Variants in HHAT observed in about 807,000 individuals in gnomAD.
HHAT encodes protein-cysteine N-palmitoyltransferase HHAT.
HHAT carries 47 observed loss-of-function variants against 70.8 expected under a neutral mutation model. That is an observed-to-expected ratio of 0.66 (90% CI 0.53 to 0.85). The LOEUF is 0.85. Ranked by LOEUF, HHAT falls within the 40% of genes least tolerant of loss-of-function variation. The pLI is 0.00. For synonymous variants in HHAT, 228 were observed against 247.6 expected, an observed-to-expected ratio of 0.92 and a Z score of 0.74; for missense variants, 609 against 604.8, an observed-to-expected ratio of 1.01 and a Z score of -0.07.
chr1:210,544,738 C>T (rs972908304), intron 9 of HHAT, among the ~76,000 whole-genome samples: 2 of 152,124 alleles, frequency 1.3e-5, no homozygotes, highest in Non-Finnish European at 2.9e-5. Flanking sequence ...GTTTGGTTCT[C>T]TTATAGGTGT....
chr1:210,535,183 A>G (rs1206052794), intron 9 of HHAT, among the ~76,000 whole-genome samples: 1 of 152,184 alleles, frequency 6.6e-6, no homozygotes, highest in African/African-American at 2.4e-5. Context: ...GCTCTGGGTT[A>G]TAGGACCTCC....
chr1:210,615,376 G>A (rs1667477544), intron 10 of HHAT, among the ~76,000 whole-genome samples: 1 of 152,178 alleles, frequency 6.6e-6, no homozygotes. Context: ...CTTTGCGATG[G>A]GTTCGAACTT....
At chr1:210,625,476 A>G (rs1269629150) in intron 11 of HHAT, among the ~76,000 whole-genome samples, 3 of 152,218 alleles carry the variant, frequency 2.0e-5, no homozygotes, top group Admixed American at 2.0e-4. Flanking sequence ...GTGAGTGCCA[A>G]ACACACAAAA....
At chr1:210,662,663 T>A (rs1368183801) in intron 11 of HHAT, among the ~76,000 whole-genome samples, 1 of 151,858 alleles carries the variant, frequency 6.6e-6, no homozygotes, top group Non-Finnish European at 1.5e-5. Flanking sequence ...AGAGAAAATA[T>A]TTGTTTTTTT....
At chr1:210,598,376 C>A (rs1663498091) in intron 10 of HHAT, among the ~76,000 whole-genome samples, 2 of 152,042 alleles carry the variant, frequency 1.3e-5, no homozygotes, top group Admixed American at 6.6e-5. Context: ...AATCAACTGG[C>A]TTGAAGTTGA....
chr1:210,437,924 G>A (rs911390668), intron 7 of HHAT, among the ~76,000 whole-genome samples: 1 of 151,864 alleles, frequency 6.6e-6, no homozygotes, highest in Non-Finnish European at 1.5e-5. Flanking sequence ...CACCCACTGT[G>A]AGGCTTTTTC....
In HHAT at chr1:210,329,130, T is replaced by G. The variant is rs773596977; in HGVS notation, c.-44+26T>G. The G allele has an allele frequency of 3.7e-5, 49 of 1,317,266 alleles. No individual in the cohort carries two copies. The Middle Eastern group carries it at 5.2e-3, about 140-fold the overall frequency. 81.6% of individuals were successfully genotyped at this position (1,317,266 alleles called of 1,614,324 possible). On this transcript the variant is annotated intron_variant, in intron 1 of 11. Coordinates refer to ENST00000261458, the MANE Select transcript of HHAT (RefSeq NM_018194.6). Reference sequence around the variant, plus strand: ...GTTGGTAACTGGTGACCATAGGGGGTCCTGGGGAGGTTAGATGCTGAATTT... The same window carrying G: ...GTTGGTAACTGGTGACCATAGGGGGGCCTGGGGAGGTTAGATGCTGAATTT...
intron 7 of HHAT, among the ~76,000 whole-genome samples, chr1:210,460,283 T>C (rs1572597960): frequency 6.6e-6 from 1 of 152,322 alleles, no homozygotes; most frequent in East Asian, 1.9e-4. Context: ...GGATGAAAGA[T>C]ACAGTTGCAG....
chr1:210,521,948 G>C (rs773690688), intron 9 of HHAT, among the ~76,000 whole-genome samples: 1 of 152,178 alleles, frequency 6.6e-6, no homozygotes, highest in Non-Finnish European at 1.5e-5. Flanking sequence ...ACACATGCAT[G>C]TTCTCTGTCC....
chr1:210,343,476 C>T (rs557034479), intron 1 of HHAT, among the ~76,000 whole-genome samples: 34 of 152,188 alleles, frequency 2.2e-4, no homozygotes, highest in Non-Finnish European at 4.1e-4. Context: ...CAGCTACAGG[C>T]AAGAGTTGAA....
chr1:210,330,701 C>T (rs1180564706), intron 1 of HHAT, among the ~76,000 whole-genome samples: 1 of 152,158 alleles, frequency 6.6e-6, no homozygotes, highest in Non-Finnish European at 1.5e-5. Context: ...GGGGAATGTT[C>T]CCTAAAGCAG....
At chr1:210,578,685 A>G (rs1392536071) in intron 9 of HHAT, among the ~76,000 whole-genome samples, 17 of 152,228 alleles carry the variant, frequency 1.1e-4, no homozygotes, top group Admixed American at 1.1e-3. Flanking sequence ...GTGAATGAAC[A>G]TGGAGAATAT....
intron 11 of HHAT, among the ~76,000 whole-genome samples, chr1:210,651,639 T>C (rs1237419783): frequency 6.6e-6 from 1 of 152,212 alleles, no homozygotes; most frequent in Admixed American, 6.5e-5. Flanking sequence ...AGCTGGAGGC[T>C]GGACCCACTG....
intron 11 of HHAT, among the ~76,000 whole-genome samples, chr1:210,626,577 C>G (rs368004754): frequency 2.6e-5 from 4 of 152,132 alleles, no homozygotes; most frequent in Non-Finnish European, 2.9e-5. Context: ...GTTGCCGCTT[C>G]GTCTATTCCT....
rs750431460 is a variant in HHAT at position 210,464,557 on chromosome 1, C to G, written c.909C>G (p.Leu303=). Reference sequence around the variant, plus strand: ...TTTTCTACGTGAAGTACTTGGTGCTCTTTGGCGTGCCTGCTCTGCTCATGC... The same window carrying G: ...TTTTCTACGTGAAGTACTTGGTGCTGTTTGGCGTGCCTGCTCTGCTCATGC... ...VLFFYVKYLV[L]FGVPALLMRL... The change falls in exon 8 of 12, where the codon CTC becomes CTG. Residue 303 remains leucine, a synonymous_variant. Transcript: ENST00000261458. 6.2e-7 allele frequency: 1 copy of G among 1,614,178 alleles called. No individual in the cohort carries two copies. Among genetic ancestry groups the G allele is most frequent in the Non-Finnish European group, 8.5e-7 (1 of 1,180,030 alleles).
At chr1:210,551,610 C>T (rs941011778) in intron 9 of HHAT, among the ~76,000 whole-genome samples, 9 of 152,202 alleles carry the variant, frequency 5.9e-5, no homozygotes, top group Non-Finnish European at 1.3e-4. Flanking sequence ...TGACAGGAAT[C>T]TTCTCAGTTA....
intron 9 of HHAT, among the ~76,000 whole-genome samples, chr1:210,527,283 T>C (rs2095262219): frequency 1.3e-5 from 2 of 152,110 alleles, no homozygotes; most frequent in South Asian, 4.2e-4. Context: ...GTGTGGTCTC[T>C]CGTGGTTTTT....
intron 9 of HHAT, among the ~76,000 whole-genome samples, chr1:210,556,666 T>C (rs2095575810): frequency 6.6e-6 from 1 of 152,206 alleles, no homozygotes; most frequent in South Asian, 2.1e-4. Flanking sequence ...GTTTGATTGA[T>C]TGCAGTTTGG....
At chr1:210,445,825 A>G (rs528141609) in intron 7 of HHAT, among the ~76,000 whole-genome samples, 9 of 150,254 alleles carry the variant, frequency 6.0e-5, no homozygotes, top group South Asian at 4.2e-4. Context: ...CTTCCCTGCT[A>G]TCCTCTTAGG....
Sources: allele counts gnomAD v4.1 joint callset (sites outside exome capture counted in the v4.1 genomes callset), GRCh38; gene constraint gnomAD v4.1.1; transcripts MANE v1.5; gene names NCBI Gene and HGNC (gene_info 2026-07-23, HGNC 2026-07-21).